The following NOL10 variants were observed in gnomAD, a reference collection of about 807,000 sequenced individuals.
The protein encoded by NOL10 is nucleolar protein 10, also known as H_NH0074G24.1.
NOL10 carries 58 observed loss-of-function variants against 103.5 expected under a neutral mutation model. That is an observed-to-expected ratio of 0.56 (90% CI 0.45 to 0.70). The LOEUF is 0.70. NOL10 is among the 30% of genes least tolerant of loss of function. The pLI is 0.00. For synonymous variants in NOL10, 287 were observed against 282.5 expected (o/e 1.02, Z -0.16); for missense variants, 763 against 807.3 (o/e 0.95, Z 0.67).
chr2:10,662,243 T>C (rs1213225294), intron 9 of NOL10, among the ~76,000 whole-genome samples: 2 of 140,138 alleles, frequency 1.4e-5, no homozygotes, highest in Non-Finnish European at 3.3e-5. Flanking sequence ...ACCTGGCAAA[T>C]AGAAAGCACT....
chr2:10,674,731 G>T (rs1251148959), intron 4 of NOL10, among the ~76,000 whole-genome samples: 1 of 152,216 alleles, frequency 6.6e-6, no homozygotes, highest in African/African-American at 2.4e-5. Flanking sequence ...CAGCCACTTA[G>T]GAGGCTGAGG....
chr2:10,622,496 A>AAAAAGAG (rs144600201), intron 13 of NOL10, among the ~76,000 whole-genome samples: 3 of 148,794 alleles, frequency 2.0e-5, no homozygotes, highest in Admixed American at 6.7e-5. Context: ...TTCAAAAAAA[A>AAAAAGAG]AGAGAGAAGA....
At chr2:10,614,193 C>T (rs1358347127) in intron 13 of NOL10, among the ~76,000 whole-genome samples, 3 of 152,100 alleles carry the variant, frequency 2.0e-5, no homozygotes, top group Non-Finnish European at 2.9e-5. Flanking sequence ...CTCCTGACCT[C>T]GGGTGATCCG....
chr2:10,611,925 A>G (rs964457019), intron 13 of NOL10, among the ~76,000 whole-genome samples: 4 of 152,106 alleles, frequency 2.6e-5, no homozygotes, highest in Admixed American at 1.3e-4. Context: ...CCTGCTTAAA[A>G]AAACAAAACA....
intron 9 of NOL10, among the ~76,000 whole-genome samples, chr2:10,661,342 T>C (rs911212139): frequency 6.6e-6 from 1 of 152,158 alleles, no homozygotes; most frequent in Non-Finnish European, 1.5e-5. Context: ...CCCAAAGTGC[T>C]GGGATTACAG....
intron 11 of NOL10, 39 bp downstream of exon 11, chr2:10,657,703 C>A (rs1679933251): frequency 1.3e-6 from 2 of 1,524,554 alleles, no homozygotes; most frequent in South Asian, 1.2e-5. Context: ...GGAACACCTG[C>A]AAATAAAGAA....
intron 13 of NOL10, among the ~76,000 whole-genome samples, chr2:10,617,993 T>C (rs1676919756): frequency 6.6e-6 from 1 of 150,962 alleles, no homozygotes. Context: ...CGTCATGGAA[T>C]TAGTGGCAAC....
chr2:10,660,140 C>T lies in NOL10; in HGVS notation c.678-890G>A, dbSNP rs1352692157. On this transcript the variant is annotated intron_variant, in intron 9 of 20. Coordinates refer to ENST00000381685, the MANE Select transcript of NOL10 (RefSeq NM_024894.4). The stretch of plus-strand genomic sequence containing the variant: ...ACCTAGAGTCCTGGCTGTTGGCTGT[C>T]GGCATCATCAGGTCTCTTCTGCCAC... Among the ~76,000 whole-genome samples the T allele has an allele frequency of 3.9e-5, 6 of 152,284 alleles. No individual in the cohort carries two copies. The South Asian group carries it at 8.3e-4, about 21-fold the overall frequency.
intron 16 of NOL10, 108 bp downstream of exon 16, chr2:10,602,668 T>C: frequency 1.4e-6 from 1 of 722,798 alleles, no homozygotes; most frequent in African/African-American, 1.8e-5. Context: ...AAGATGCAAA[T>C]TAAAGATGGA....
Position 10,621,933 on chromosome 2 carries a change from C to T in NOL10, c.1027-14622G>A, listed in dbSNP as rs1250696193. 1.3e-5 allele frequency: 5 copies of T among 396,012 alleles called. No homozygotes were observed. The Admixed American group carries it at 1.5e-4, about 12-fold the overall frequency. The allele number at this position is 396,012 out of a possible 1,614,324, so 24.5% of individuals were successfully genotyped here. The stretch of plus-strand genomic sequence containing the variant: ...TTTAGAGCTATGCTGCCCAATAAGG[C>T]AGCCACTAAGCCACCTGTGGCGATT... On this transcript the variant is annotated intron_variant, in intron 13 of 20. Transcript: ENST00000381685.
At chr2:10,584,086 G>A (rs905029478) in intron 19 of NOL10, among the ~76,000 whole-genome samples, 3 of 152,156 alleles carry the variant, frequency 2.0e-5, no homozygotes, top group Non-Finnish European at 4.4e-5. Flanking sequence ...CCTGCCTGTG[G>A]CTGCACCGTG....
intron 6 of NOL10, among the ~76,000 whole-genome samples, chr2:10,669,188 C>T (rs369929006): frequency 2.6e-5 from 4 of 151,410 alleles, no homozygotes; most frequent in Non-Finnish European, 5.9e-5. Context: ...TCACTACACC[C>T]GGCTAATTTT....
intron 13 of NOL10, among the ~76,000 whole-genome samples, chr2:10,626,373 T>C (rs1572322210): frequency 1.3e-5 from 2 of 152,086 alleles, no homozygotes; most frequent in South Asian, 2.1e-4. Flanking sequence ...GAAGAGAAAC[T>C]TACGTTGGGA....
chr2:10,579,770 A>G, intron 19 of NOL10, among the ~76,000 whole-genome samples: 1 of 152,004 alleles, frequency 6.6e-6, no homozygotes. Context: ...TTCTTAATAA[A>G]CTTGCTTTCA....
intron 8 of NOL10, among the ~76,000 whole-genome samples, chr2:10,666,060 C>T (rs1680549500): frequency 6.6e-6 from 1 of 152,012 alleles, no homozygotes; most frequent in African/African-American, 2.4e-5. Flanking sequence ...TCCAGTAATC[C>T]CCAGTGTCTA....
At chr2:10,593,285 A>G (rs928980158) in intron 17 of NOL10, among the ~76,000 whole-genome samples, 8 of 152,112 alleles carry the variant, frequency 5.3e-5, no homozygotes, top group South Asian at 4.2e-4. Flanking sequence ...GATTACAGGC[A>G]CGCGCCACCA....
intron 9 of NOL10, among the ~76,000 whole-genome samples, chr2:10,662,427 T>C (rs185753443): frequency 1.3e-5 from 2 of 152,294 alleles, no homozygotes; most frequent in East Asian, 3.9e-4. Context: ...TGTAGGGCAA[T>C]TTAGCAATGT....
At chr2:10,682,417 T>G (rs1002837677) in intron 2 of NOL10, among the ~76,000 whole-genome samples, 1 of 149,650 alleles carries the variant, frequency 6.7e-6, no homozygotes, top group East Asian at 1.9e-4. Flanking sequence ...TTTTTTTTTT[T>G]GAGACAGGGT....
intron 3 of NOL10, among the ~76,000 whole-genome samples, chr2:10,677,962 C>A (rs1349170302): frequency 9.2e-5 from 4 of 43,628 alleles, no homozygotes; most frequent in Non-Finnish European, 2.8e-4. Context: ...ATTTTATGTG[C>A]ACACACACAC....
Sources: allele counts gnomAD v4.1 joint callset (sites outside exome capture counted in the v4.1 genomes callset), GRCh38; gene constraint gnomAD v4.1.1; transcripts MANE v1.5; gene names NCBI Gene and HGNC (gene_info 2026-07-23, HGNC 2026-07-21).